The following FRMD4A variants were observed in gnomAD, a reference collection of about 807,000 sequenced individuals.
FRMD4A encodes FERM domain containing 4A.
FRMD4A carries 29 observed loss-of-function variants against 129.1 expected under a neutral mutation model. The ratio of observed to expected loss-of-function variants is 0.22; its 90% CI spans 0.17 to 0.31. The LOEUF is 0.31. FRMD4A is among the 10% of genes least tolerant of loss of function. The probability of loss-of-function intolerance (pLI) is 1.00; values close to 1 mark genes in which losing one functional copy is unlikely to be tolerated. For synonymous variants in FRMD4A, 634 were observed against 571.6 expected, an observed-to-expected ratio of 1.11 and a Z score of -1.56; for missense variants, 1,272 against 1,375.8, an observed-to-expected ratio of 0.92 and a Z score of 1.19.
intron 2 of FRMD4A, among the ~76,000 whole-genome samples, chr10:13,977,282 T>A (rs1226926816): frequency 6.6e-6 from 1 of 152,004 alleles, no homozygotes; most frequent in Non-Finnish European, 1.5e-5. Context: ...CTAATCGGTG[T>A]TTTAATGCCA....
At chr10:13,750,113 A>AAAGAAAGG (rs2091529068) in intron 8 of FRMD4A, among the ~76,000 whole-genome samples, 2 of 108,156 alleles carry the variant, frequency 1.8e-5, no homozygotes, top group Admixed American at 9.2e-5. Context: ...AGAAATGAAG[A>AAAGAAAGG]AAGAAAGAAA....
intron 2 of FRMD4A, among the ~76,000 whole-genome samples, chr10:13,931,879 G>C (rs1458380749): frequency 6.6e-6 from 1 of 151,992 alleles, no homozygotes; most frequent in Non-Finnish European, 1.5e-5. Flanking sequence ...AACCCGGGAG[G>C]TGGAGGTTGC....
chr10:14,329,207 T>G (rs1363413923), intron 2 of FRMD4A, among the ~76,000 whole-genome samples: 2 of 152,196 alleles, frequency 1.3e-5, no homozygotes. Context: ...AAATCTCCTG[T>G]GTAAATGCTG....
intron 9 of FRMD4A, among the ~76,000 whole-genome samples, 156 bp downstream of exon 9, chr10:13,747,580 G>A (rs2091356122): frequency 1.3e-5 from 2 of 151,772 alleles, no homozygotes; most frequent in South Asian, 4.2e-4. Context: ...ATAAATAAAT[G>A]CAGAAAATGG....
At chr10:13,866,284 G>A (rs747285242) in intron 2 of FRMD4A, 123 of 982,470 alleles carry the variant, frequency 1.3e-4, no homozygotes, top group Non-Finnish European at 1.4e-4. Context: ...TCTTCCCCGA[G>A]CACAGTCCCT....
chr10:14,225,477 T>C (rs1843404509), intron 2 of FRMD4A, among the ~76,000 whole-genome samples: 1 of 152,256 alleles, frequency 6.6e-6, no homozygotes, highest in African/African-American at 2.4e-5. Context: ...AAGTGGGTCA[T>C]CTATGGAAAC....
At chr10:14,205,496 G>C (rs1403090991) in intron 2 of FRMD4A, among the ~76,000 whole-genome samples, 1 of 152,102 alleles carries the variant, frequency 6.6e-6, no homozygotes. Context: ...AGGATTCCCT[G>C]GGGTGACTCA....
chr10:14,073,478 T>C (rs546130388), intron 2 of FRMD4A, among the ~76,000 whole-genome samples: 1 of 152,272 alleles, frequency 6.6e-6, no homozygotes, highest in African/African-American at 2.4e-5. Flanking sequence ...TTTGTGGTTG[T>C]GTGGATAAAT....
intron 2 of FRMD4A, among the ~76,000 whole-genome samples, chr10:13,967,905 G>T (rs2095495108): frequency 6.6e-6 from 1 of 152,214 alleles, no homozygotes; most frequent in Non-Finnish European, 1.5e-5. Context: ...AATTAGCTGG[G>T]CGTGGTGGCG....
At chr10:14,156,379 A>G (rs1193999962) in intron 2 of FRMD4A, among the ~76,000 whole-genome samples, 1 of 152,224 alleles carries the variant, frequency 6.6e-6, no homozygotes, top group African/African-American at 2.4e-5. Context: ...TCACACTAAA[A>G]CTATTGAGTG....
rs192844240 is a variant in FRMD4A at position 13,678,121 on chromosome 10, G to C, written c.1118-3077C>G. On this transcript the variant is annotated intron_variant, in intron 15 of 24. Coordinates refer to ENST00000357447, the MANE Select transcript of FRMD4A (RefSeq NM_018027.5). The stretch of plus-strand genomic sequence containing the variant: ...AGTTAAGATTTGGCCCTGAGTTCCA[G>C]GGCTCATTAATGCTACCCAAATTAT... Among the ~76,000 whole-genome samples, 857 of 152,236 alleles carry C rather than the reference G, an allele frequency of 5.6e-3. 5 individuals carry two copies. The highest frequency in any genetic ancestry group is 0.012 in the South Asian group (59 of 4,818).
intron 12 of FRMD4A, among the ~76,000 whole-genome samples, chr10:13,708,924 A>G (rs932384113): frequency 3.3e-5 from 5 of 152,180 alleles, no homozygotes; most frequent in African/African-American, 1.2e-4. Flanking sequence ...TCAGGCAGGC[A>G]GGCTTTGTGG....
At chr10:14,255,453 G>C (rs1197160086) in intron 2 of FRMD4A, among the ~76,000 whole-genome samples, 2 of 152,180 alleles carry the variant, frequency 1.3e-5, no homozygotes, top group African/African-American at 2.4e-5. Flanking sequence ...ACCTGTAGAT[G>C]GGGACACAAG....
intron 2 of FRMD4A, among the ~76,000 whole-genome samples, chr10:14,034,029 T>C (rs1833383395): frequency 6.6e-6 from 1 of 152,196 alleles, no homozygotes; most frequent in African/African-American, 2.4e-5. Flanking sequence ...ATGTTCTCAC[T>C]TATAAGTGGG....
chr10:14,099,207 A>G (rs1837168045), intron 2 of FRMD4A, among the ~76,000 whole-genome samples: 1 of 152,226 alleles, frequency 6.6e-6, no homozygotes. Flanking sequence ...GCCTAAGCCC[A>G]TACCCATGGT....
chr10:13,762,548 C>A, intron 7 of FRMD4A, 76 bp downstream of exon 7: 1 of 831,924 alleles, frequency 1.2e-6, no homozygotes. Context: ...CAGCTACTGG[C>A]TATGCCTGGT....
intron 2 of FRMD4A, among the ~76,000 whole-genome samples, chr10:14,110,793 TG>T (rs1394262224): frequency 6.6e-6 from 1 of 152,182 alleles, no homozygotes; most frequent in Non-Finnish European, 1.5e-5. Context: ...TTCTTTTTAA[TG>T]GTTATTTAAA....
At chr10:13,810,334 C>T (rs910031180) in intron 4 of FRMD4A, among the ~76,000 whole-genome samples, 1 of 152,182 alleles carries the variant, frequency 6.6e-6, no homozygotes, top group Non-Finnish European at 1.5e-5. Flanking sequence ...TTCTTCTCAT[C>T]AGATCAGTGA....
intron 2 of FRMD4A, among the ~76,000 whole-genome samples, chr10:14,060,570 G>A (rs1834761129): frequency 6.6e-6 from 1 of 152,124 alleles, no homozygotes; most frequent in South Asian, 2.1e-4. Context: ...CAAGCACTGG[G>A]CCTATTTTAT....
Sources: allele counts gnomAD v4.1 joint callset (sites outside exome capture counted in the v4.1 genomes callset), GRCh38; gene constraint gnomAD v4.1.1; transcripts MANE v1.5; gene names NCBI Gene and HGNC (gene_info 2026-07-23, HGNC 2026-07-21).